GDF11: variants seen among roughly 807,000 people sequenced by gnomAD.
GDF11 encodes growth differentiation factor 11.
Under a neutral mutation model 34.4 loss-of-function variants are expected in GDF11, and 12 were observed. The ratio of observed to expected loss-of-function variants is 0.35; its 90% CI spans 0.22 to 0.57. The LOEUF is 0.57. GDF11 is among the 20% of genes least tolerant of loss of function. The pLI, the probability that GDF11 is intolerant of heterozygous loss-of-function variation, is 0.86. For missense variants in GDF11, 346 were observed against 548.2 expected (o/e 0.63, Z 3.68); for synonymous variants, 212 against 231.1 (o/e 0.92, Z 0.75).
rs1378728707 is a variant in GDF11 at position 55,752,841 on chromosome 12, C to A, written c.*2959C>A. On this transcript the variant is annotated 3_prime_UTR_variant, in exon 3 of 3. Transcript: ENST00000257868. ...ACATGACACAATCCAGCACTTGAAC[C>A]TGAAAAAAAAAATAAAAGCGGTCAA... is the stretch of plus-strand genomic sequence containing the variant. The A allele has an allele frequency of 2.0e-5, 3 of 151,486 alleles. No homozygotes were observed. Among genetic ancestry groups the A allele is most frequent in the Non-Finnish European group, 4.4e-5 (3 of 67,888 alleles). The allele number at this position is 151,486 out of a possible 1,614,324, so 9.4% of individuals were successfully genotyped here.
chr12:55,745,129 T>C (rs1878152965), intron 1 of GDF11, among the ~76,000 whole-genome samples: 2 of 151,958 alleles, frequency 1.3e-5, no homozygotes, highest in South Asian at 4.2e-4. Flanking sequence ...CAGTCTCAGA[T>C]CGACTGAGGG....
Position 55,749,714 on chromosome 12 carries a change from A to G in GDF11, c.1056A>G (p.Lys352=). The change falls in exon 3 of 3, where the codon AAA becomes AAG. Residue 352 remains lysine, a synonymous_variant. Transcript: ENST00000257868. This position sits in a 1 kb window ranked among gnomAD's most constrained non-coding sequence, Gnocchi z 5.6. ...AGTGCGAGTACATGTTCATGCAAAA[A>G]TATCCGCATACCCATTTGGTGCAGC... is the stretch of plus-strand genomic sequence containing the variant. ...SGQCEYMFMQ[K]YPHTHLVQQA... The G allele has an allele frequency of 1.2e-6, 2 of 1,614,168 alleles. No individual in the cohort carries two copies. Among genetic ancestry groups the G allele is most frequent in the Non-Finnish European group, 1.7e-6 (2 of 1,180,026 alleles).
rs763131962 is a variant in GDF11 at position 55,743,809 on chromosome 12, G to C, written c.445+48G>C. ...GCAGTGGGGTGCTGGCTCTGGCCCC[G>C]CGAAGGGCGCCTTCTGCTCCAAGCG... On this transcript the variant is annotated intron_variant, in intron 1 of 2. Coordinates refer to ENST00000257868, the MANE Select transcript of GDF11 (RefSeq NM_005811.5). 30 of 1,414,550 alleles carry C rather than the reference G, an allele frequency of 2.1e-5. No individual in the cohort carries two copies. In the East Asian group the frequency reaches 3.0e-4, roughly 14 times the overall value. The allele number at this position is 1,414,550 out of a possible 1,614,324, so 87.6% of individuals were successfully genotyped here. A position where few individuals can be genotyped will look rare whatever the true frequency, so the allele number is the denominator to read the frequency against.
In GDF11 at chr12:55,743,779, C is replaced by CGCGAGCAGTGGGGT; in HGVS notation, c.445+21_445+34dup. ...CCAGGAGAGTAAGTGGGCTGCGGGG[C>CGCGAGCAGTGGGGT]GCGAGCAGTGGGGTGCTGGCTCTGG... is the stretch of plus-strand genomic sequence containing the variant. On this transcript the variant is annotated intron_variant, in intron 1 of 2. Coordinates refer to ENST00000257868, the MANE Select transcript of GDF11 (RefSeq NM_005811.5). 2 of 1,511,422 alleles carry CGCGAGCAGTGGGGT rather than the reference C, an allele frequency of 1.3e-6. No individual in the cohort carries two copies. Among genetic ancestry groups the CGCGAGCAGTGGGGT allele is most frequent in the Non-Finnish European group, 8.9e-7 (1 of 1,127,462 alleles). The allele number at this position is 1,511,422 out of a possible 1,614,324, so 93.6% of individuals were successfully genotyped here. A position where few individuals can be genotyped will look rare whatever the true frequency, so the allele number is the denominator to read the frequency against.
chr12:55,750,389 C>T lies in GDF11; in HGVS notation c.*507C>T, dbSNP rs891742855. ...ATCAAAAATCCATTCTTTTCTCCTTCTCTCCCTCCAACAGTGGCCAGGGGA... is the reference window on the plus strand; with the variant it reads ...ATCAAAAATCCATTCTTTTCTCCTTTTCTCCCTCCAACAGTGGCCAGGGGA... On this transcript the variant is annotated 3_prime_UTR_variant, in exon 3 of 3. Coordinates refer to ENST00000257868, the MANE Select transcript of GDF11 (RefSeq NM_005811.5). 6.5e-6 allele frequency: 1 copy of T among 153,116 alleles called. No homozygotes were observed. The highest frequency in any genetic ancestry group is 2.4e-5 in the African/African-American group (1 of 41,492). The allele number at this position is 153,116 out of a possible 1,614,324, so 9.5% of individuals were successfully genotyped here. A position where few individuals can be genotyped will look rare whatever the true frequency, so the allele number is the denominator to read the frequency against.
At chr12:55,747,001 A>G (rs919219023) in intron 1 of GDF11, among the ~76,000 whole-genome samples, 4 of 152,264 alleles carry the variant, frequency 2.6e-5, no homozygotes, top group Admixed American at 6.5e-5. Flanking sequence ...CACTGAAGCT[A>G]CAATGGTGAG....
In GDF11 at chr12:55,748,314, A is replaced by G. The variant is rs755483274; in HGVS notation, c.446-272A>G. ...ACAGTAAGGATGGTGGTGGATGAAT[A>G]ATTTTGCAGGTTATCTGGTAGACAG... is the stretch of plus-strand genomic sequence containing the variant. On this transcript the variant is annotated intron_variant, in intron 1 of 2. Coordinates refer to ENST00000257868, the MANE Select transcript of GDF11 (RefSeq NM_005811.5). This position sits in a 1 kb window ranked among gnomAD's most constrained non-coding sequence, Gnocchi z 5.6. Among the ~76,000 whole-genome samples, 4 of 152,224 alleles carry G rather than the reference A, an allele frequency of 2.6e-5. No homozygotes were observed. Among genetic ancestry groups the G allele is most frequent in the Non-Finnish European group, 5.9e-5 (4 of 68,042 alleles).
At position 55,752,031 on chromosome 12, in the gene GDF11, T is replaced by C. The variant is rs1471472864; in HGVS notation, c.*2149T>C. 6.6e-6 allele frequency: 1 copy of C among 152,218 alleles called. No homozygotes were observed. Among genetic ancestry groups the C allele is most frequent in the African/African-American group, 2.4e-5 (1 of 41,438 alleles). 9.4% of individuals were successfully genotyped at this position (152,218 alleles called of 1,614,324 possible). The stretch of plus-strand genomic sequence containing the variant: ...TTCAGTAGAGGAATGGGCAGGGCTG[T>C]TAGGCTCTTCAGCTTGCCTTCACCC... On this transcript the variant is annotated 3_prime_UTR_variant, in exon 3 of 3. Transcript: ENST00000257868.
chr12:55,746,325 C>T lies in GDF11; in HGVS notation c.446-2261C>T, dbSNP rs1878185197. ...CTTTCTAACCATCACCCACTCCTTT[C>T]TATCACTGCCTCTGCATCAGGATTC... On this transcript the variant is annotated intron_variant, in intron 1 of 2. Coordinates refer to ENST00000257868, the MANE Select transcript of GDF11 (RefSeq NM_005811.5). Among the ~76,000 whole-genome samples, 3 of 152,168 alleles carry T rather than the reference C, an allele frequency of 2.0e-5. No individual in the cohort carries two copies. The South Asian group carries it at 6.2e-4, about 31-fold the overall frequency.
In GDF11 at chr12:55,749,980, G is replaced by T. The variant is rs946333164; in HGVS notation, c.*98G>T. ...CCCTAGAGCTCCCTCCACTCTTCCC[G>T]CGAACATCACACCGTTCCCCGACCA... is the stretch of plus-strand genomic sequence containing the variant. On this transcript the variant is annotated 3_prime_UTR_variant, in exon 3 of 3. Transcript: ENST00000257868. The surrounding 1 kb of genome is among the most constrained non-coding windows in gnomAD (Gnocchi z 5.6). 14 of 1,037,418 alleles carry T rather than the reference G, an allele frequency of 1.3e-5. No individual in the cohort carries two copies. The highest frequency in any genetic ancestry group is 2.2e-5 in the Admixed American group (1 of 45,238). The allele number at this position is 1,037,418 out of a possible 1,614,324, so 64.3% of individuals were successfully genotyped here. A position where few individuals can be genotyped will look rare whatever the true frequency, so the allele number is the denominator to read the frequency against.
rs946254728 is a variant in GDF11, at chr12:55,750,247, G to C, written c.*365G>C. 7 of 210,418 alleles carry C rather than the reference G, an allele frequency of 3.3e-5. No homozygotes were observed. Among genetic ancestry groups the C allele is most frequent in the South Asian group, 1.3e-4 (1 of 7,524 alleles). 13.0% of individuals were successfully genotyped at this position (210,418 alleles called of 1,614,324 possible). On this transcript the variant is annotated 3_prime_UTR_variant, in exon 3 of 3. Transcript: ENST00000257868. Reference sequence around the variant, plus strand: ...GAGGCAGAGACAAAACACTGAGAAAGAGACTGAAATGGAGTAATAAATGAA... The same window carrying C: ...GAGGCAGAGACAAAACACTGAGAAACAGACTGAAATGGAGTAATAAATGAA...
chr12:55,746,987 G>C (rs1263727913), intron 1 of GDF11, among the ~76,000 whole-genome samples: 2 of 152,218 alleles, frequency 1.3e-5, no homozygotes, highest in Non-Finnish European at 2.9e-5. Context: ...AGCACTATGG[G>C]AGGCACTGAA....
rs1446574914 is a variant in GDF11 at position 55,749,499 on chromosome 12, C to T, written c.844-3C>T. On this transcript the variant is annotated splice_region_variant and splice_polypyrimidine_tract_variant and intron_variant, in intron 2 of 2. Transcript: ENST00000257868. The surrounding 1 kb of genome is among the most constrained non-coding windows in gnomAD (Gnocchi z 5.6). ...ATTTCTTTCCCCTCTCCCTGACCCT[C>T]AGCATCCATTCATGGAGCTTCGAGT... 1 of 1,603,292 alleles carries T rather than the reference C, an allele frequency of 6.2e-7. No homozygotes were observed. The highest frequency in any genetic ancestry group is 1.3e-5 in the African/African-American group (1 of 74,724).
At position 55,754,838 on chromosome 12, in the gene GDF11, G is replaced by C. The variant is rs1439990188; in HGVS notation, c.*4956G>C. ...ATGATTATCTGCGCAGGGTCTCAGAGCTAGTGTGGTAGAATAAGAAATTAA... is the reference window on the plus strand; with the variant it reads ...ATGATTATCTGCGCAGGGTCTCAGACCTAGTGTGGTAGAATAAGAAATTAA... On this transcript the variant is annotated 3_prime_UTR_variant, in exon 3 of 3. Transcript: ENST00000257868. 1.3e-5 allele frequency: 2 copies of C among 152,218 alleles called. No individual in the cohort carries two copies. The highest frequency in any genetic ancestry group is 2.4e-5 in the African/African-American group (1 of 41,462). The allele number at this position is 152,218 out of a possible 1,614,324, so 9.4% of individuals were successfully genotyped here.
At chr12:55,746,669 T>C (rs1470561748) in intron 1 of GDF11, among the ~76,000 whole-genome samples, 1 of 152,260 alleles carries the variant, frequency 6.6e-6, no homozygotes, top group Admixed American at 6.5e-5. Context: ...TAGAGCTTAG[T>C]AGAGAATGCG....
At chr12:55,744,632 G>A (rs1006174386) in intron 1 of GDF11, among the ~76,000 whole-genome samples, 4 of 152,040 alleles carry the variant, frequency 2.6e-5, no homozygotes, top group East Asian at 1.9e-4. Flanking sequence ...AAATCCAGGC[G>A]AATACTACAC....
Position 55,754,635 on chromosome 12 carries a change from A to C in GDF11, c.*4753A>C, listed in dbSNP as rs1878446518. On this transcript the variant is annotated 3_prime_UTR_variant, in exon 3 of 3. Transcript: ENST00000257868. The stretch of plus-strand genomic sequence containing the variant: ...ATACCTAGCTAGAACCTACTCAGGG[A>C]AAGAAATATGTATTTCCACAGTACC... The C allele has an allele frequency of 6.6e-6, 1 of 152,256 alleles. No individual in the cohort carries two copies. Among genetic ancestry groups the C allele is most frequent in the African/African-American group, 2.4e-5 (1 of 41,470 alleles). The allele number at this position is 152,256 out of a possible 1,614,324, so 9.4% of individuals were successfully genotyped here. A position where few individuals can be genotyped will look rare whatever the true frequency, so the allele number is the denominator to read the frequency against.
chr12:55,754,410 GC>G lies in GDF11; in HGVS notation c.*4529del, dbSNP rs1469513661. 1 of 152,184 alleles carries G rather than the reference GC, an allele frequency of 6.6e-6. No homozygotes were observed. Among genetic ancestry groups the G allele is most frequent in the African/African-American group, 2.4e-5 (1 of 41,430 alleles). 9.4% of individuals were successfully genotyped at this position (152,184 alleles called of 1,614,324 possible). A position where few individuals can be genotyped will look rare whatever the true frequency, so the allele number is the denominator to read the frequency against. ...GGGGCCCCAAGCTAAGAATCAGCAGGCAGTGGCATCTACAGCTTCTGGTCTG... is the reference window on the plus strand; with the variant it reads ...GGGGCCCCAAGCTAAGAATCAGCAGGAGTGGCATCTACAGCTTCTGGTCTG... On this transcript the variant is annotated 3_prime_UTR_variant, in exon 3 of 3. Coordinates refer to ENST00000257868, the MANE Select transcript of GDF11 (RefSeq NM_005811.5).
intron 1 of GDF11, among the ~76,000 whole-genome samples, chr12:55,744,996 G>A (rs149866927): frequency 6.6e-6 from 1 of 152,264 alleles, no homozygotes; most frequent in African/African-American, 2.4e-5. Flanking sequence ...ACAAGACTTG[G>A]TCAGGGCTGT....
Sources: gnomAD v4.1 joint callset for allele counts (sites outside exome capture counted in the v4.1 genomes callset) on GRCh38, gnomAD v4.1.1 for gene constraint, Gnocchi (gnomAD v3.1) non-coding constraint, MANE v1.5 for transcripts, NCBI Gene and HGNC (gene_info 2026-07-23, HGNC 2026-07-21) for gene names.